KALRN: variants seen among roughly 807,000 people sequenced by gnomAD.
The protein encoded by KALRN is kalirin.
KALRN carries 70 observed loss-of-function variants against 353.7 expected under a neutral mutation model. The ratio of observed to expected loss-of-function variants is 0.20; its 90% confidence interval spans 0.16 to 0.24. The LOEUF is 0.24. Among genes scored for constraint, KALRN ranks in the 10% least tolerant of loss-of-function variants. The pLI is 1.00. For synonymous variants in KALRN, 1,391 were observed against 1,434.8 expected (o/e 0.97, Z 0.69); for missense variants, 2,791 against 3,756.7 (o/e 0.74, Z 6.72).
intron 13 of KALRN, among the ~76,000 whole-genome samples, chr3:124,403,766 T>C (rs1213947290): frequency 1.3e-5 from 2 of 152,182 alleles, no homozygotes; most frequent in Non-Finnish European, 2.9e-5. Context: ...CAGTAAACAT[T>C]TGGTGAGCAC....
chr3:124,450,598 T>G (rs1174460315), intron 21 of KALRN, among the ~76,000 whole-genome samples: 1 of 151,862 alleles, frequency 6.6e-6, no homozygotes, highest in Non-Finnish European at 1.5e-5. Context: ...GTTTCACTCT[T>G]GTTGCCCAGG....
intron 10 of KALRN, among the ~76,000 whole-genome samples, chr3:124,383,097 AC>A (rs1438566333): frequency 1.3e-5 from 2 of 151,998 alleles, no homozygotes; most frequent in Non-Finnish European, 2.9e-5. Flanking sequence ...CTCTTTTTCA[AC>A]CCGGTCTCAC....
chr3:124,297,682 A>G (rs1296050461), intron 5 of KALRN, among the ~76,000 whole-genome samples: 1 of 152,264 alleles, frequency 6.6e-6, no homozygotes, highest in Admixed American at 6.5e-5. Flanking sequence ...CCTGCTCTGG[A>G]CAGAATATTA....
chr3:124,425,490 G>A (rs889845062), intron 15 of KALRN, among the ~76,000 whole-genome samples: 4 of 152,168 alleles, frequency 2.6e-5, no homozygotes, highest in Non-Finnish European at 5.9e-5. Flanking sequence ...GAGCAGGCAT[G>A]GCCTAAGCTT....
At chr3:124,317,108 G>A (rs1470075361) in intron 6 of KALRN, among the ~76,000 whole-genome samples, 6 of 152,208 alleles carry the variant, frequency 3.9e-5, no homozygotes, top group Admixed American at 2.6e-4. Context: ...AGCACGTCAA[G>A]GGCCCAATGG....
chr3:124,605,757 T>C lies in KALRN; in HGVS notation c.5183-26663T>C, dbSNP rs185079463. The stretch of plus-strand genomic sequence containing the variant: ...CTTTAGTACTGTAGGGGTTTTGGTG[T>C]CATATATCTAATAAATATGCATGTA... On this transcript the variant is annotated intron_variant, in intron 34 of 59. Transcript: ENST00000682506. Among the ~76,000 whole-genome samples, 3 of 152,254 alleles carry C rather than the reference T, an allele frequency of 2.0e-5. No individual in the cohort carries two copies. The East Asian group carries it at 5.8e-4, about 29-fold the overall frequency.
At chr3:124,375,183 C>A (rs1419806502) in intron 10 of KALRN, among the ~76,000 whole-genome samples, 1 of 152,080 alleles carries the variant, frequency 6.6e-6, no homozygotes, top group South Asian at 2.1e-4. Context: ...TGCTTCCGAG[C>A]AGCAATATGA....
intron 59 of KALRN, among the ~76,000 whole-genome samples, chr3:124,718,067 C>T (rs1233022719): frequency 6.6e-6 from 1 of 151,684 alleles, no homozygotes; most frequent in Non-Finnish European, 1.5e-5. Context: ...CCGCCTTGGC[C>T]TCCCAAAGTG....
At chr3:124,243,308 C>G (rs2080730999) in intron 3 of KALRN, among the ~76,000 whole-genome samples, 1 of 152,122 alleles carries the variant, frequency 6.6e-6, no homozygotes, top group South Asian at 2.1e-4. Context: ...TGAACAGGGA[C>G]AGGTTGTAGG....
At chr3:124,617,725 G>T (rs1048087298) in intron 34 of KALRN, among the ~76,000 whole-genome samples, 3 of 152,104 alleles carry the variant, frequency 2.0e-5, no homozygotes, top group Non-Finnish European at 2.9e-5. Context: ...CTGGAGTAGG[G>T]CCCAAGAATT....
chr3:124,366,648 C>T (rs1332009493), intron 10 of KALRN, among the ~76,000 whole-genome samples: 3 of 151,968 alleles, frequency 2.0e-5, no homozygotes, highest in Non-Finnish European at 2.9e-5. Flanking sequence ...CAATCTTTTC[C>T]CCACCTTTCC....
chr3:124,092,072 C>T (rs780421300), intron 1 of KALRN, among the ~76,000 whole-genome samples: 8 of 152,132 alleles, frequency 5.3e-5, no homozygotes, highest in Non-Finnish European at 7.4e-5. Context: ...ATGGGTTCAC[C>T]CTGGGGCTGA....
chr3:124,422,693 G>C, intron 14 of KALRN, 119 bp from the exon 15 acceptor site: 1 of 774,938 alleles, frequency 1.3e-6, no homozygotes, highest in South Asian at 1.9e-5. Context: ...AATATTTAGG[G>C]TTTGGGAGGG....
intron 34 of KALRN, among the ~76,000 whole-genome samples, chr3:124,625,242 G>A (rs2079804924): frequency 6.6e-6 from 1 of 152,124 alleles, no homozygotes; most frequent in African/African-American, 2.4e-5. Flanking sequence ...AGTCATAACA[G>A]TGCCCAGTGG....
chr3:124,629,395 A>G (rs1033789767), intron 34 of KALRN, among the ~76,000 whole-genome samples: 1 of 151,634 alleles, frequency 6.6e-6, no homozygotes, highest in Admixed American at 6.6e-5. Flanking sequence ...AACAAAAAAA[A>G]CTCTTTTTAT....
chr3:124,145,198 C>G (rs549451526), intron 1 of KALRN, among the ~76,000 whole-genome samples: 2 of 152,276 alleles, frequency 1.3e-5, no homozygotes, highest in South Asian at 4.1e-4. Context: ...CCAGACCTAT[C>G]CTCCTCCCTT....
At chr3:124,146,888 A>AAAAAAAAG (rs2067421109) in intron 1 of KALRN, among the ~76,000 whole-genome samples, 1 of 150,786 alleles carries the variant, frequency 6.6e-6, no homozygotes, top group Non-Finnish European at 1.5e-5. Context: ...AAAAAAAAAA[A>AAAAAAAAG]AAAAAAGAAA....
intron 1 of KALRN, among the ~76,000 whole-genome samples, chr3:124,098,056 G>T (rs944853153): frequency 6.6e-6 from 1 of 152,154 alleles, no homozygotes; most frequent in South Asian, 2.1e-4. Flanking sequence ...GTGTATTCAT[G>T]GGGACCTGAC....
At chr3:124,416,521 T>C (rs1180057750) in intron 14 of KALRN, among the ~76,000 whole-genome samples, 1 of 152,242 alleles carries the variant, frequency 6.6e-6, no homozygotes, top group African/African-American at 2.4e-5. Flanking sequence ...CAGCTAGCTG[T>C]TTAGTCTGGC....
Sources: gnomAD v4.1 joint callset for allele counts (sites outside exome capture counted in the v4.1 genomes callset) on GRCh38, gnomAD v4.1.1 for gene constraint, MANE v1.5 for transcripts, NCBI Gene and HGNC (gene_info 2026-07-23, HGNC 2026-07-21) for gene names.